The following KIF26B variants were observed in gnomAD, a reference collection of about 807,000 sequenced individuals.
KIF26B encodes the protein kinesin family member 26B.
A neutral mutation model predicts 151.2 loss-of-function variants in KIF26B; 63 were observed. The ratio of observed to expected loss-of-function variants is 0.42; its 90% CI spans 0.34 to 0.51. KIF26B has a LOEUF of 0.51. Ranked by LOEUF, KIF26B falls within the 20% of genes least tolerant of loss-of-function variation. The probability of loss-of-function intolerance (pLI) is 0.07; values close to 1 mark genes in which losing one functional copy is unlikely to be tolerated. For missense variants in KIF26B, 2,813 were observed against 2,913.6 expected (o/e 0.97, Z 0.79); for synonymous variants, 1,357 against 1,262.1 (o/e 1.08, Z -1.59).
Position 245,706,396 on chromosome 1 carries a change from T to G in KIF26B, c.*3790T>G, listed in dbSNP as rs2044841562. ...CTGACAAATCTGCAGATTTGTTCAA[T>G]GCAAACACAGCCGTCTATATCATTG... On this transcript the variant is annotated 3_prime_UTR_variant, in exon 15 of 15. Transcript: ENST00000407071. 6.6e-6 allele frequency: 1 copy of G among 152,246 alleles called. No homozygotes were observed. Among genetic ancestry groups the G allele is most frequent in the Non-Finnish European group, 1.5e-5 (1 of 68,046 alleles). 9.4% of individuals were successfully genotyped at this position (152,246 alleles called of 1,614,324 possible).
At chr1:245,439,441 A>C (rs1317246435) in intron 4 of KIF26B, among the ~76,000 whole-genome samples, 4 of 152,156 alleles carry the variant, frequency 2.6e-5, no homozygotes, top group Non-Finnish European at 4.4e-5. Context: ...TGTCTTAAAA[A>C]GTAAATAGAG....
intron 2 of KIF26B, among the ~76,000 whole-genome samples, chr1:245,287,492 CTCTCTCTTT>C (rs1026898299): frequency 4.4e-5 from 6 of 136,538 alleles, no homozygotes; most frequent in African/African-American, 1.4e-4. Flanking sequence ...TCTCATCTCT[CTCTCTCTTT>C]TTTTTTTTTT....
chr1:245,269,584 C>A (rs889295307), intron 2 of KIF26B, among the ~76,000 whole-genome samples: 1 of 151,912 alleles, frequency 6.6e-6, no homozygotes, highest in African/African-American at 2.4e-5. Context: ...CCTGCTTCAG[C>A]CTCCCGAGTA....
At chr1:245,269,430 G>A (rs979484210) in intron 2 of KIF26B, among the ~76,000 whole-genome samples, 2 of 151,478 alleles carry the variant, frequency 1.3e-5, no homozygotes, top group African/African-American at 4.9e-5. Flanking sequence ...ATGGCCTCAA[G>A]GTTCATTCAT....
At chr1:245,501,354 A>G (rs1660616649) in intron 4 of KIF26B, among the ~76,000 whole-genome samples, 1 of 152,250 alleles carries the variant, frequency 6.6e-6, no homozygotes, top group Non-Finnish European at 1.5e-5. Flanking sequence ...GTTGATATAT[A>G]GACAGCTCCG....
intron 10 of KIF26B, among the ~76,000 whole-genome samples, chr1:245,652,271 G>GT (rs2044027988): frequency 6.6e-6 from 1 of 152,058 alleles, no homozygotes; most frequent in Non-Finnish European, 1.5e-5. Flanking sequence ...AGTTTAGAGC[G>GT]TTCCCTATTT....
rs536473830 is a variant in KIF26B, at chr1:245,415,993, G to A, written c.1000-3586G>A. 2.7e-3 allele frequency among the ~76,000 whole-genome samples: 412 copies of A among 151,784 alleles called. 1 individual carries two copies. Among genetic ancestry groups the A allele is most frequent in the African/African-American group, 9.5e-3 (392 of 41,384 alleles). On this transcript the variant is annotated intron_variant, in intron 3 of 14. Coordinates refer to ENST00000407071, the MANE Select transcript of KIF26B (RefSeq NM_018012.4). ...AAGAATTAAACAAAATAGGCCAGGCGCGGTGGCTCACGCCTGTAATCCCAG... is the reference window on the plus strand; with the variant it reads ...AAGAATTAAACAAAATAGGCCAGGCACGGTGGCTCACGCCTGTAATCCCAG...
intron 10 of KIF26B, among the ~76,000 whole-genome samples, chr1:245,668,302 C>T (rs2044240131): frequency 6.6e-6 from 1 of 152,134 alleles, no homozygotes; most frequent in South Asian, 2.1e-4. Flanking sequence ...TACATTTATC[C>T]CATGTCAGAA....
intron 2 of KIF26B, among the ~76,000 whole-genome samples, chr1:245,273,522 G>GT (rs1181723979): frequency 6.6e-6 from 1 of 151,564 alleles, no homozygotes; most frequent in African/African-American, 2.4e-5. Flanking sequence ...TTCTGTCCAT[G>GT]TTTTATATCT....
intron 4 of KIF26B, among the ~76,000 whole-genome samples, chr1:245,479,750 C>T (rs1198642510): frequency 6.6e-6 from 1 of 151,748 alleles, no homozygotes; most frequent in African/African-American, 2.4e-5. Flanking sequence ...CAACAAGAGA[C>T]AGATGGGATG....
chr1:245,387,147 T>TTTTTTTG (rs548017418), intron 3 of KIF26B, among the ~76,000 whole-genome samples: 9 of 143,580 alleles, frequency 6.3e-5, no homozygotes, highest in Non-Finnish European at 9.0e-5. Flanking sequence ...GACCTAGGTT[T>TTTTTTTG]TTTTTTGTTT....
rs1349365282 is a variant in KIF26B at position 245,156,307 on chromosome 1, A to C, written c.89A>C (p.Lys30Thr). The C allele has an allele frequency of 6.5e-7, 1 of 1,547,364 alleles. No individual in the cohort carries two copies. Among genetic ancestry groups the C allele is most frequent in the South Asian group, 1.2e-5 (1 of 84,024 alleles). Residue 30 changes from lysine to threonine, a missense_variant, in exon 2 of 15, where the codon AAG becomes ACG. Physicochemically the swap from Lys to Thr is moderately conservative, Grantham distance 78. Transcript: ENST00000407071. ...YGVNEVCSPT[K>T]PAAPFSPESW... ...GTGAATGAAGTCTGCTCGCCCACCA[A>C]GCCCGCAGCGCCCTTCTCCCCGGAA...
At position 245,156,643 on chromosome 1, in the gene KIF26B, A is replaced by G; in HGVS notation, c.425A>G (p.Gln142Arg). ...CNARLVELKR[Q>R]ALRLLLPGPF... Reference sequence around the variant, plus strand: ...GCCCGCCTGGTGGAGCTCAAGAGGCAGGCCCTGAGGTTGCTCCTCCCGGGG... The same window carrying G: ...GCCCGCCTGGTGGAGCTCAAGAGGCGGGCCCTGAGGTTGCTCCTCCCGGGG... The change falls in exon 2 of 15, where the codon CAG becomes CGG. Residue 142 changes from glutamine (Q) to arginine (R), a missense_variant. This residue lies in a region of KIF26B where 676 missense variants were observed against 688.1 expected (regional missense o/e 0.98). Coordinates refer to ENST00000407071, the MANE Select transcript of KIF26B (RefSeq NM_018012.4). 1 of 1,518,312 alleles carries G rather than the reference A, an allele frequency of 6.6e-7. No homozygotes were observed. 94.1% of individuals were successfully genotyped at this position (1,518,312 alleles called of 1,614,324 possible).
intron 2 of KIF26B, among the ~76,000 whole-genome samples, chr1:245,176,549 G>A (rs557020887): frequency 6.6e-6 from 1 of 152,180 alleles, no homozygotes; most frequent in Admixed American, 6.5e-5. Context: ...GCTACCAAAG[G>A]CCCTGATGGG....
chr1:245,652,429 G>A (rs1353928529), intron 10 of KIF26B, among the ~76,000 whole-genome samples: 3 of 152,086 alleles, frequency 2.0e-5, no homozygotes, highest in African/African-American at 2.4e-5. Context: ...CTGGGACATC[G>A]AAGTCCCTTT....
Position 245,197,204 on chromosome 1 carries a change from C to T in KIF26B, c.465+40521C>T, listed in dbSNP as rs182695493. ...GCAGGCCTGAGAAGTAAGAAGAAAG[C>T]GCTGCATAGTCTTCCTGCTTCTATT... On this transcript the variant is annotated intron_variant, in intron 2 of 14. Coordinates refer to ENST00000407071, the MANE Select transcript of KIF26B (RefSeq NM_018012.4). Among the ~76,000 whole-genome samples, 5 of 152,294 alleles carry T rather than the reference C, an allele frequency of 3.3e-5. No individual in the cohort carries two copies. The East Asian group carries it at 7.7e-4, about 23-fold the overall frequency.
chr1:245,609,396 G>A lies in KIF26B; in HGVS notation c.1782G>A (p.Arg594=). 6.2e-7 allele frequency: 1 copy of A among 1,609,528 alleles called. No individual in the cohort carries two copies. Among genetic ancestry groups the A allele is most frequent in the Non-Finnish European group, 8.5e-7 (1 of 1,178,036 alleles). ...KEKTGARFSV[R]VSAVEVWGKE... is the part of the protein sequence containing the mutation. The stretch of plus-strand genomic sequence containing the variant: ...AGACCGGCGCCCGTTTCTCAGTCCG[G>A]GTTTCCGCCGTGGAAGTGTGGGGGA... The change falls in exon 8 of 15, where the codon CGG becomes CGA. Residue 594 remains arginine (R), a synonymous_variant. Coordinates refer to ENST00000407071, the MANE Select transcript of KIF26B (RefSeq NM_018012.4).
At chr1:245,270,481 C>T (rs1281948312) in intron 2 of KIF26B, among the ~76,000 whole-genome samples, 1 of 150,630 alleles carries the variant, frequency 6.6e-6, no homozygotes, top group Non-Finnish European at 1.5e-5. Context: ...TGGGGTGATA[C>T]TTCATTGTGG....
chr1:245,676,485 A>G (rs1475521191), intron 10 of KIF26B: 1 of 152,262 alleles, frequency 6.6e-6, no homozygotes, highest in African/African-American at 2.4e-5. Context: ...TCTGTTATTT[A>G]TAAATTGGAG....
Sources: allele counts gnomAD v4.1 joint callset (sites outside exome capture counted in the v4.1 genomes callset), GRCh38; gene constraint gnomAD v4.1.1; regional missense constraint gnomAD v4.1.1; transcripts MANE v1.5; gene names NCBI Gene and HGNC (gene_info 2026-07-23, HGNC 2026-07-21).